Variants in LARS1 observed in about 807,000 individuals in gnomAD.
LARS1 encodes the protein leucine--tRNA ligase, cytoplasmic.
A neutral mutation model predicts 162.8 loss-of-function variants in LARS1; 100 were observed. The ratio of observed to expected loss-of-function variants is 0.61; its 90% CI spans 0.52 to 0.73. The LOEUF (loss-of-function observed/expected upper bound fraction) is 0.73. LARS1 is among the 30% of genes least tolerant of loss of function. The probability of loss-of-function intolerance (pLI) is 0.00; values close to 1 mark genes in which losing one functional copy is unlikely to be tolerated. For synonymous variants in LARS1, 457 were observed against 462.8 expected, an observed-to-expected ratio of 0.99 and a Z score of 0.16; for missense variants, 1,258 against 1,408.9, an observed-to-expected ratio of 0.89 and a Z score of 1.71.
intron 12 of LARS1, 76 bp from the exon 13 acceptor site, chr5:146,153,303 A>G (rs1367537798): frequency 6.6e-6 from 7 of 1,056,996 alleles, no homozygotes; most frequent in Non-Finnish European, 1.0e-5. Flanking sequence ...CAATCTCCAA[A>G]GTTTCTTAAA....
chr5:146,124,145 A>ATT, intron 28 of LARS1, 59 bp from the exon 29 acceptor site: 4 of 999,990 alleles, frequency 4.0e-6, no homozygotes, highest in African/African-American at 1.6e-5. Flanking sequence ...TGGAAAACAT[A>ATT]CTTCCTCCAA....
intron 23 of LARS1, 129 bp downstream of exon 23, chr5:146,132,769 G>A (rs1752338632): frequency 1.0e-5 from 7 of 691,738 alleles, no homozygotes; most frequent in Non-Finnish European, 1.6e-5. Flanking sequence ...AGCCTTCAAT[G>A]AACACTAGCT....
At chr5:146,134,564 C>T (rs747514362) in intron 22 of LARS1, among the ~76,000 whole-genome samples, 4 of 152,028 alleles carry the variant, frequency 2.6e-5, no homozygotes, top group Non-Finnish European at 5.9e-5. Flanking sequence ...TCTCTTGACA[C>T]GATAATAATA....
At chr5:146,129,178 C>T (rs1296864646) in intron 25 of LARS1, 60 bp from the exon 26 acceptor site, 11 of 1,407,236 alleles carry the variant, frequency 7.8e-6, no homozygotes, top group African/African-American at 2.9e-5. Context: ...AACTATTTTA[C>T]GGTTCTTGAT....
intron 21 of LARS1, among the ~76,000 whole-genome samples, chr5:146,137,280 T>A (rs765406351): frequency 6.6e-6 from 1 of 152,210 alleles, no homozygotes; most frequent in Non-Finnish European, 1.5e-5. Context: ...ACAGCAAAAT[T>A]CACTGGTTGT....
At chr5:146,147,399 CT>C in intron 15 of LARS1, among the ~76,000 whole-genome samples, 1 of 145,768 alleles carries the variant, frequency 6.9e-6, no homozygotes, top group Admixed American at 6.9e-5. Context: ...ACCCCTGTCT[CT>C]TTAAAAAAAA....
chr5:146,148,439 G>A (rs958442021), intron 15 of LARS1, among the ~76,000 whole-genome samples: 1 of 152,208 alleles, frequency 6.6e-6, no homozygotes, highest in African/African-American at 2.4e-5. Flanking sequence ...GTACTGACGA[G>A]TGTATTTTAA....
intron 21 of LARS1, among the ~76,000 whole-genome samples, chr5:146,136,776 C>T (rs1465108470): frequency 3.9e-5 from 6 of 152,112 alleles, no homozygotes; most frequent in African/African-American, 1.2e-4. Flanking sequence ...CCACCGCACC[C>T]GGCCACAGAT....
intron 21 of LARS1, among the ~76,000 whole-genome samples, chr5:146,136,809 T>C (rs909771252): frequency 1.3e-5 from 2 of 152,172 alleles, no homozygotes; most frequent in Admixed American, 6.5e-5. Context: ...ACATCTTTTA[T>C]TACCTTTCAA....
intron 28 of LARS1, 57 bp from the exon 29 acceptor site, chr5:146,124,143 A>G (rs989989314): frequency 3.0e-6 from 3 of 1,014,768 alleles, no homozygotes; most frequent in Non-Finnish European, 4.6e-6. Flanking sequence ...GTTGGAAAAC[A>G]TACTTCCTCC....
intron 7 of LARS1, among the ~76,000 whole-genome samples, chr5:146,160,127 T>C (rs941596712): frequency 2.0e-5 from 3 of 152,100 alleles, no homozygotes; most frequent in Non-Finnish European, 4.4e-5. Flanking sequence ...TATTTATTTA[T>C]TCATGTAAGC....
intron 10 of LARS1, among the ~76,000 whole-genome samples, chr5:146,155,866 A>G (rs1468117896): frequency 6.6e-6 from 1 of 152,250 alleles, no homozygotes; most frequent in Non-Finnish European, 1.5e-5. Flanking sequence ...ATTAGGAACT[A>G]AAGAGATGTG....
intron 15 of LARS1, among the ~76,000 whole-genome samples, chr5:146,145,344 G>A (rs1483710052): frequency 6.6e-6 from 1 of 151,878 alleles, no homozygotes; most frequent in Non-Finnish European, 1.5e-5. Flanking sequence ...GCCTCCCAAA[G>A]TGTTTGGATT....
intron 12 of LARS1, among the ~76,000 whole-genome samples, chr5:146,153,432 T>C (rs1753382327): frequency 6.6e-6 from 1 of 152,204 alleles, no homozygotes; most frequent in Non-Finnish European, 1.5e-5. Context: ...TTATAGTGAA[T>C]AGCCTAAATG....
At chr5:146,178,380 G>A (rs994082021) in intron 1 of LARS1, among the ~76,000 whole-genome samples, 3 of 152,100 alleles carry the variant, frequency 2.0e-5, no homozygotes, top group Admixed American at 6.6e-5. Flanking sequence ...TTGGGAGGCC[G>A]AGGTGAGAGG....
rs1189167566 is a variant in LARS1, at chr5:146,153,715, A to C, written c.1230+19T>G. On this transcript the variant is annotated intron_variant, in intron 12 of 31. Transcript: ENST00000394434. ...GAGATGGTGAGGACGAAATACAAAC[A>C]TGAAACTCAGATACTTACTTGCTTT... 1 of 1,602,938 alleles carries C rather than the reference A, an allele frequency of 6.2e-7. No homozygotes were observed. The highest frequency in any genetic ancestry group is 1.1e-5 in the South Asian group (1 of 90,830).
Position 146,123,971 on chromosome 5 carries a change from G to A in LARS1, c.3096+11C>T. The A allele has an allele frequency of 6.9e-7, 1 of 1,439,538 alleles. No homozygotes were observed. Among genetic ancestry groups the A allele is most frequent in the South Asian group, 1.2e-5 (1 of 85,934 alleles). The allele number at this position is 1,439,538 out of a possible 1,614,324, so 89.2% of individuals were successfully genotyped here. ...CAGTTAACTGGTTATTACAATCCCT[G>A]GCCCTCTTACCTCAAGCGAATTAGT... On this transcript the variant is annotated intron_variant, in intron 29 of 31. Transcript: ENST00000394434.
At chr5:146,168,286 A>G (rs775815600) in intron 4 of LARS1, 21 bp from the exon 5 acceptor site, 55 of 1,577,004 alleles carry the variant, frequency 3.5e-5, no homozygotes, top group Non-Finnish European at 4.1e-5. Flanking sequence ...TATTAGAGAT[A>G]ATGAAGTTCA....
At chr5:146,130,324 T>A in intron 24 of LARS1, 166 bp from the exon 25 acceptor site, 1 of 701,970 alleles carries the variant, frequency 1.4e-6, no homozygotes, top group Non-Finnish European at 2.3e-6. Flanking sequence ...CAAGTATTTA[T>A]CTTTGTCCAA....
Sources: gnomAD v4.1 joint callset for allele counts (sites outside exome capture counted in the v4.1 genomes callset) on GRCh38, gnomAD v4.1.1 for gene constraint, MANE v1.5 for transcripts, NCBI Gene and HGNC (gene_info 2026-07-23, HGNC 2026-07-21) for gene names.